PRODH2: variants seen among roughly 807,000 people sequenced by gnomAD.
The protein encoded by PRODH2 is proline dehydrogenase 2.
A neutral mutation model predicts 51.9 loss-of-function variants in PRODH2; 49 were observed. That is an observed-to-expected ratio of 0.94 (90% CI 0.75 to 1.20). The LOEUF (loss-of-function observed/expected upper bound fraction) is 1.20. Among genes scored for constraint, PRODH2 ranks in the 50% most tolerant of loss-of-function variants. The pLI, the probability that PRODH2 is intolerant of heterozygous loss-of-function variation, is 0.00. For missense variants in PRODH2, 597 were observed against 610.9 expected (o/e 0.98, Z 0.24); for synonymous variants, 249 against 260.7 (o/e 0.96, Z 0.43).
chr19:35,812,806 C>T lies in PRODH2; in HGVS notation c.-1G>A. 1 of 1,582,830 alleles carries T rather than the reference C, an allele frequency of 6.3e-7. No individual in the cohort carries two copies. The highest frequency in any genetic ancestry group is 8.6e-7 in the Non-Finnish European group (1 of 1,160,616). On this transcript the variant is annotated 5_prime_UTR_variant, in exon 1 of 10. Coordinates refer to ENST00000653904, the MANE Select transcript of PRODH2 (RefSeq NM_021232.2). ...AGAGCACGTAACAGGTCCGGAGCAT[C>T]CTGGGTCCCTGGCTGCCTCCACACC...
chr19:35,806,290 C>T, intron 7 of PRODH2, 140 bp downstream of exon 7: 1 of 1,075,578 alleles, frequency 9.3e-7, no homozygotes, highest in Non-Finnish European at 1.3e-6. Context: ...CCCTGTGTTG[C>T]CCAGGCTGGT....
At chr19:35,810,300 G>A (rs62112193) in intron 4 of PRODH2, among the ~76,000 whole-genome samples, 2 of 144,932 alleles carry the variant, frequency 1.4e-5, no homozygotes, top group South Asian at 2.2e-4. Flanking sequence ...TAAATAAATA[G>A]ATAAACAAAT....
At position 35,812,217 on chromosome 19, in the gene PRODH2, G is replaced by A. The variant is rs780775017; in HGVS notation, c.427C>T (p.Arg143Trp). 7.4e-6 allele frequency: 12 copies of A among 1,613,862 alleles called. No homozygotes were observed. Among genetic ancestry groups the A allele is most frequent in the Non-Finnish European group, 6.8e-6 (8 of 1,180,022 alleles). ...AGGCTGGGGGGCTCCAGGAGGCCCC[G>A]TGACAGGTCCACACACCGCAGCATA... ...GAMLRCVDLS[R>W]GLLEPPSLAE... is the part of the protein sequence containing the mutation. Residue 143 changes from arginine to tryptophan, a missense_variant, in exon 3 of 10, where the codon CGG becomes TGG. By Grantham distance (101) the Arg-to-Trp change is moderately radical. Coordinates refer to ENST00000653904, the MANE Select transcript of PRODH2 (RefSeq NM_021232.2).
rs542506883 is a variant in PRODH2 at position 35,807,340 on chromosome 19, T to C, written c.598-219A>G. Among the ~76,000 whole-genome samples, 70 of 152,286 alleles carry C rather than the reference T, an allele frequency of 4.6e-4. 1 individual carries two copies. Among genetic ancestry groups the C allele is most frequent in the African/African-American group, 1.6e-3 (68 of 41,552 alleles). ...TTTTTTGAAACAGAGTCTTGCTCTG[T>C]TGCCCAGGCTGGAGTGCAGTGGCAT... On this transcript the variant is annotated intron_variant, in intron 4 of 9. Transcript: ENST00000653904.
rs1232965862 is a variant in PRODH2, at chr19:35,806,411, C to A, written c.1001+19G>T. 6.2e-7 allele frequency: 1 copy of A among 1,613,698 alleles called. No individual in the cohort carries two copies. The highest frequency in any genetic ancestry group is 8.5e-7 in the Non-Finnish European group (1 of 1,179,988). On this transcript the variant is annotated intron_variant, in intron 7 of 9. Coordinates refer to ENST00000653904, the MANE Select transcript of PRODH2 (RefSeq NM_021232.2). ...TAGGTGTTATTATTTCCTGCAGAGG[C>A]CAGCTGGCCCGGGCCTACCTCTGAC...
chr19:35,801,211 T>G (rs1355752714), intron 9 of PRODH2, among the ~76,000 whole-genome samples: 1 of 152,006 alleles, frequency 6.6e-6, no homozygotes, highest in Admixed American at 6.6e-5. Context: ...ACGCCTGTAA[T>G]CCCAGCAACT....
At chr19:35,812,101 C>T in intron 3 of PRODH2, 33 bp downstream of exon 3, 1 of 1,613,408 alleles carries the variant, frequency 6.2e-7, no homozygotes, top group African/African-American at 1.3e-5. Context: ...GGCAGCCGCG[C>T]CCTCCCCGCA....
chr19:35,806,824 G>A lies in PRODH2; in HGVS notation c.685C>T (p.Arg229Trp), dbSNP rs763955403. ...ACCAGGAGCCGCACGTGCTGGGCCC[G>A]GGCATACTGATGGCGACAGAGACGA... ...SRLHRVAQYA[R>W]AQHVRLLVDA... is the part of the protein sequence containing the mutation. The change falls in exon 6 of 10, where the codon CGG (arginine) becomes TGG (tryptophan). Residue 229 changes from arginine (R) to tryptophan (W), a missense_variant. Transcript: ENST00000653904. The A allele has an allele frequency of 1.7e-5, 27 of 1,603,748 alleles. No individual in the cohort carries two copies. The highest frequency in any genetic ancestry group is 4.0e-5 in the African/African-American group (3 of 74,604).
At chr19:35,810,791 G>C (rs1027481385) in intron 4 of PRODH2, among the ~76,000 whole-genome samples, 2 of 152,166 alleles carry the variant, frequency 1.3e-5, no homozygotes, top group Non-Finnish European at 2.9e-5. Context: ...AAAGTGCTGG[G>C]ATTACAGGCG....
chr19:35,812,256 C>T lies in PRODH2; in HGVS notation c.388G>A (p.Gly130Arg). The T allele has an allele frequency of 6.2e-7, 1 of 1,613,586 alleles. No individual in the cohort carries two copies. Among genetic ancestry groups the T allele is most frequent in the Non-Finnish European group, 8.5e-7 (1 of 1,179,974 alleles). Residue 130 changes from glycine to arginine, a missense_variant, in exon 3 of 10, where the codon GGG (glycine) becomes AGG (arginine). Gly to Arg is a moderately radical substitution (Grantham distance 125, BLOSUM62 -2). Transcript: ENST00000653904. The part of the protein sequence containing the change: ...AAKSGEAWYE[G>R]NLGAMLRCVD... ...CACCGCAGCATAGCACCGAGGTTCCCCTCATACCACGCCTCACTGCCCAGC... is the reference window on the plus strand; with the variant it reads ...CACCGCAGCATAGCACCGAGGTTCCTCTCATACCACGCCTCACTGCCCAGC...
rs369742639 is a variant in PRODH2, at chr19:35,801,217, CA to C, written c.1198+973del. On this transcript the variant is annotated intron_variant, in intron 9 of 9. Transcript: ENST00000653904. ...TGGTGGCTCACGCCTGTAATCCCAG[CA>C]ACTCTGGGAGGCCAAGGCAGGCAGA... Among the ~76,000 whole-genome samples the C allele has an allele frequency of 2.1e-3, 320 of 152,190 alleles. 1 individual carries two copies. In the East Asian group the frequency reaches 0.03, roughly 14 times the overall value.
chr19:35,809,958 CAAAAAAA>C (rs1175392997), intron 4 of PRODH2, among the ~76,000 whole-genome samples: 5 of 12,820 alleles, frequency 3.9e-4, no homozygotes, highest in East Asian at 6.9e-3. Context: ...GATGCCGCTT[CAAAAAAA>C]AAAAAAAAAA....
In PRODH2 at chr19:35,806,820, G is replaced by A. The variant is rs759568845; in HGVS notation, c.689C>T (p.Ala230Val). 3.1e-6 allele frequency: 5 copies of A among 1,605,458 alleles called. No individual in the cohort carries two copies. The highest frequency in any genetic ancestry group is 4.3e-6 in the Non-Finnish European group (5 of 1,176,160). ...ATCCACCAGGAGCCGCACGTGCTGG[G>A]CCCGGGCATACTGATGGCGACAGAG... ...RLHRVAQYAR[A>V]QHVRLLVDAE... Residue 230 changes from alanine to valine, a missense_variant, in exon 6 of 10, where the codon GCC (alanine) becomes GTC (valine). Transcript: ENST00000653904.
intron 4 of PRODH2, 78 bp downstream of exon 4, chr19:35,811,884 T>C (rs1462641423): frequency 1.7e-5 from 24 of 1,415,458 alleles, no homozygotes; most frequent in Non-Finnish European, 2.3e-5. Context: ...CCGTAGCATT[T>C]TGAACATCTG....
chr19:35,804,582 C>T (rs1050274823), intron 7 of PRODH2, among the ~76,000 whole-genome samples: 1 of 152,202 alleles, frequency 6.6e-6, no homozygotes, highest in Non-Finnish European at 1.5e-5. Flanking sequence ...GGGATTTGAA[C>T]TCAGGCTGTC....
At chr19:35,804,573 G>A (rs1316551066) in intron 7 of PRODH2, among the ~76,000 whole-genome samples, 2 of 152,220 alleles carry the variant, frequency 1.3e-5, no homozygotes, top group Admixed American at 6.5e-5. Context: ...GGCCAGGCTG[G>A]GATTTGAACT....
At position 35,800,065 on chromosome 19, in the gene PRODH2, C is replaced by A. The variant is rs766242557; in HGVS notation, c.1356G>T (p.Leu452=). ...AGTGGGGTATCCTTCGGCATCCTGG[C>A]AGCAGCCGCCGCCACAGTTCTTGGC... ...LLSQELWRRL[L]PGCRRIPH is the part of the protein sequence containing the mutation. Residue 452 remains leucine, a synonymous_variant, in exon 10 of 10, where the codon CTG becomes CTT. Coordinates refer to ENST00000653904, the MANE Select transcript of PRODH2 (RefSeq NM_021232.2). 6.2e-7 allele frequency: 1 copy of A among 1,611,514 alleles called. No individual in the cohort carries two copies. Among genetic ancestry groups the A allele is most frequent in the South Asian group, 1.1e-5 (1 of 90,616 alleles).
intron 7 of PRODH2, among the ~76,000 whole-genome samples, chr19:35,803,650 C>T (rs573540062): frequency 2.6e-5 from 4 of 152,294 alleles, no homozygotes; most frequent in East Asian, 1.9e-4. Context: ...ACAGTGGCGG[C>T]GGTCTCACAG....
rs1669091257 is a variant in PRODH2, at chr19:35,812,661, A to G, written c.145T>C (p.Trp49Arg). The change falls in exon 1 of 10, where the codon TGG becomes CGG. Residue 49 changes from tryptophan to arginine, a missense_variant. Trp to Arg is a moderately radical substitution (Grantham distance 101, BLOSUM62 -3). Transcript: ENST00000653904. ...AGCCCGTGAGTGACGAGTGGGGGCC[A>G]GGCACACAGCCGGAGAACCAGCAAG... ...RALLVLRLCAWPPLVTHGLLL... is the reference protein window; with the variant it reads ...RALLVLRLCARPPLVTHGLLL... 6.3e-7 allele frequency: 1 copy of G among 1,596,802 alleles called. No individual in the cohort carries two copies. Among genetic ancestry groups the G allele is most frequent in the Non-Finnish European group, 8.6e-7 (1 of 1,169,114 alleles).
Sources: gnomAD v4.1 joint callset for allele counts (sites outside exome capture counted in the v4.1 genomes callset) on GRCh38, gnomAD v4.1.1 for gene constraint, MANE v1.5 for transcripts, NCBI Gene and HGNC (gene_info 2026-07-23, HGNC 2026-07-21) for gene names.